The following SLC39A6 variants were observed in gnomAD, a reference collection of about 807,000 sequenced individuals.
The protein encoded by SLC39A6 is solute carrier family 39 member 6.
In SLC39A6, 51 loss-of-function variants were observed where a neutral mutation model predicts 63.5. The ratio of observed to expected loss-of-function variants is 0.80; its 90% CI spans 0.64 to 1.01. SLC39A6 has a LOEUF of 1.01. Ranked by LOEUF, SLC39A6 falls within the 50% of genes least tolerant of loss-of-function variation. SLC39A6 has a pLI of 0.00. For synonymous variants in SLC39A6, 318 were observed against 324.7 expected, an observed-to-expected ratio of 0.98 and a Z score of 0.22; for missense variants, 805 against 927.8, an observed-to-expected ratio of 0.87 and a Z score of 1.72.
At position 36,116,791 on chromosome 18, in the gene SLC39A6, AG is replaced by A; in HGVS notation, c.1360-13del. 6.4e-7 allele frequency: 1 copy of A among 1,567,628 alleles called. No individual in the cohort carries two copies. Among genetic ancestry groups the A allele is most frequent in the South Asian group, 1.1e-5 (1 of 88,926 alleles). On this transcript the variant is annotated splice_polypyrimidine_tract_variant and intron_variant, in intron 5 of 9. Transcript: ENST00000269187. Reference sequence around the variant, plus strand: ...GGTTTCTTCTGATTCTAAAATAGTGAGGGAAAACAATACTTTAAAACAGTAA... The same window carrying A: ...GGTTTCTTCTGATTCTAAAATAGTGAGGAAAACAATACTTTAAAACAGTAA...
At position 36,108,819 on chromosome 18, in the gene SLC39A6, G is replaced by A. The variant is rs1434431419; in HGVS notation, c.*774C>T. 1 of 152,168 alleles carries A rather than the reference G, an allele frequency of 6.6e-6. No homozygotes were observed. Among genetic ancestry groups the A allele is most frequent in the Non-Finnish European group, 1.5e-5 (1 of 68,028 alleles). 9.4% of individuals were successfully genotyped at this position (152,168 alleles called of 1,614,324 possible). On this transcript the variant is annotated 3_prime_UTR_variant, in exon 10 of 10. Transcript: ENST00000269187. ...TGATATATAACTTGGCAATAACCCA[G>A]TCTGGTGATACATAAAACTACTCAC...
chr18:36,121,490 T>C (rs982411026), intron 5 of SLC39A6, among the ~76,000 whole-genome samples: 8 of 152,214 alleles, frequency 5.3e-5, no homozygotes, highest in African/African-American at 1.7e-4. Flanking sequence ...GACAGTCTTC[T>C]GAATGACTTG....
At position 36,112,433 on chromosome 18, in the gene SLC39A6, T is replaced by A. The variant is rs2089307996; in HGVS notation, c.1924+68A>T. ...GATGAAGAAGCTTGCTGAACTACCA[T>A]TAGCAAAAGCCAGTGACACTAGAAC... On this transcript the variant is annotated intron_variant, in intron 8 of 9. Transcript: ENST00000269187. The A allele has an allele frequency of 3.4e-6, 4 of 1,162,250 alleles. No individual in the cohort carries two copies. The South Asian group carries it at 5.1e-5, about 15-fold the overall frequency. The allele number at this position is 1,162,250 out of a possible 1,614,324, so 72.0% of individuals were successfully genotyped here.
intron 9 of SLC39A6, among the ~76,000 whole-genome samples, chr18:36,109,980 T>C (rs1372373045): frequency 6.6e-6 from 1 of 152,200 alleles, no homozygotes; most frequent in Non-Finnish European, 1.5e-5. Context: ...AAAAAGTTTG[T>C]ATTGGTTCCA....
intron 1 of SLC39A6, among the ~76,000 whole-genome samples, chr18:36,127,737 A>G (rs898091150): frequency 6.6e-6 from 1 of 150,562 alleles, no homozygotes; most frequent in African/African-American, 2.4e-5. Context: ...GATATTTTCT[A>G]TGCATACTCA....
In SLC39A6 at chr18:36,114,354, T is replaced by A. The variant is rs1364336195; in HGVS notation, c.1586A>T (p.Asn529Ile). The A allele has an allele frequency of 1.9e-6, 3 of 1,614,226 alleles. No individual in the cohort carries two copies. The highest frequency in any genetic ancestry group is 1.7e-5 in the Admixed American group (1 of 60,034). ...CTTGCACCCTCTGGGTACATATTCA[T>A]TGTAGACTTCCTGTGGATGAGCATG... Reference protein sequence around the residue: ...IAHAHPQEVYNEYVPRGCKNK... With the variant: ...IAHAHPQEVYIEYVPRGCKNK... Residue 529 changes from asparagine (N) to isoleucine (I), a missense_variant, in exon 7 of 10, where the codon AAT (asparagine) becomes ATT (isoleucine). By Grantham distance (149) the Asn-to-Ile change is moderately radical (BLOSUM62 -3). This residue lies in a region of SLC39A6 where 639 missense variants were observed against 644.0 expected (regional missense o/e 0.99). Coordinates refer to ENST00000269187, the MANE Select transcript of SLC39A6 (RefSeq NM_012319.4).
intron 9 of SLC39A6, among the ~76,000 whole-genome samples, chr18:36,110,598 G>C (rs1179163440): frequency 2.0e-5 from 3 of 151,906 alleles, no homozygotes; most frequent in African/African-American, 4.8e-5. Context: ...GAGTGCAGTA[G>C]TACAATCTCA....
intron 5 of SLC39A6, among the ~76,000 whole-genome samples, chr18:36,121,078 C>T (rs2089389553): frequency 6.6e-6 from 1 of 151,642 alleles, no homozygotes; most frequent in Non-Finnish European, 1.5e-5. Context: ...TGGTCAATAT[C>T]AAGTGACCAG....
chr18:36,127,081 A>C lies in SLC39A6; in HGVS notation c.-9-65T>G, dbSNP rs1649639367. ...AAAACAAATTGAATTAAGAAACCTCATACTGAAAATTAATGTGTAATCAAA... is the reference window on the plus strand; with the variant it reads ...AAAACAAATTGAATTAAGAAACCTCCTACTGAAAATTAATGTGTAATCAAA... On this transcript the variant is annotated intron_variant, in intron 1 of 9. Transcript: ENST00000269187. 2.2e-6 allele frequency: 3 copies of C among 1,360,304 alleles called. No homozygotes were observed. In the African/African-American group the frequency reaches 4.4e-5, roughly 20 times the overall value. 84.3% of individuals were successfully genotyped at this position (1,360,304 alleles called of 1,614,324 possible).
chr18:36,126,838 A>T lies in SLC39A6; in HGVS notation c.170T>A (p.Leu57Gln). 1 of 1,614,228 alleles carries T rather than the reference A, an allele frequency of 6.2e-7. No homozygotes were observed. The highest frequency in any genetic ancestry group is 8.5e-7 in the Non-Finnish European group (1 of 1,180,038). The change falls in exon 2 of 10, where the codon CTA (leucine) becomes CAA (glutamine). Residue 57 changes from leucine (L) to glutamine (Q), a missense_variant. Physicochemically the swap from Leu to Gln is moderately radical, Grantham distance 113. Coordinates refer to ENST00000269187, the MANE Select transcript of SLC39A6 (RefSeq NM_012319.4). The stretch of plus-strand genomic sequence containing the variant: ...TCCATAGCGGTAGAAAAGCTGTTGT[A>T]GATGATATTGCCGTGTGGAAATTGC... ...DLAISTRQYH[L>Q]QQLFYRYGEN...
Position 36,116,756 on chromosome 18 carries a change from A to G in SLC39A6, c.1383T>C (p.Asp461=). The G allele has an allele frequency of 6.2e-7, 1 of 1,612,330 alleles. No homozygotes were observed. Among genetic ancestry groups the G allele is most frequent in the Non-Finnish European group, 8.5e-7 (1 of 1,179,008 alleles). Residue 461 remains aspartate, a synonymous_variant, in exon 6 of 10, where the codon GAT becomes GAC. Transcript: ENST00000269187. ...ACTGCTTCTTAATCTCCACATCATC[A>G]TCATTTTCAGGTTTCTTCTGATTCT... The part of the protein sequence containing the change: ...KKKNQKKPEN[D]DDVEIKKQLS...
chr18:36,124,237 AGCAGTGTGACATG>A (rs1174105909), intron 3 of SLC39A6, among the ~76,000 whole-genome samples: 1 of 152,174 alleles, frequency 6.6e-6, no homozygotes, highest in African/African-American at 2.4e-5. Context: ...CCTCTTCCCA[AGCAGTGTGACATG>A]ATATAAAAAT....
In SLC39A6 at chr18:36,116,729, C is replaced by T. The variant is rs188740445; in HGVS notation, c.1410G>A (p.Leu470=). Residue 470 remains leucine, a synonymous_variant, in exon 6 of 10, where the codon TTG becomes TTA. Transcript: ENST00000269187. ...NDDDVEIKKQ[L]SKYESQLSTN... is the part of the protein sequence containing the mutation. Reference sequence around the variant, plus strand: ...TTGAAAGTTGAGATTCATACTTGGACAACTGCTTCTTAATCTCCACATCAT... The same window carrying T: ...TTGAAAGTTGAGATTCATACTTGGATAACTGCTTCTTAATCTCCACATCAT... The T allele has an allele frequency of 2.6e-5, 42 of 1,613,384 alleles. No homozygotes were observed. In the East Asian group the frequency reaches 9.1e-4, roughly 35 times the overall value.
At chr18:36,121,016 A>G (rs1297849276) in intron 5 of SLC39A6, among the ~76,000 whole-genome samples, 5 of 152,206 alleles carry the variant, frequency 3.3e-5, no homozygotes, top group Non-Finnish European at 5.9e-5. Context: ...CATGGCTGAT[A>G]AAGAAAAAAA....
intron 5 of SLC39A6, 79 bp from the exon 6 acceptor site, chr18:36,116,858 C>A: frequency 1.1e-6 from 1 of 917,312 alleles, no homozygotes; most frequent in South Asian, 1.5e-5. Flanking sequence ...ACCAGGTAAG[C>A]AAAACACACA....
chr18:36,114,616 G>A, intron 6 of SLC39A6, 142 bp from the exon 7 acceptor site: 1 of 574,780 alleles, frequency 1.7e-6, no homozygotes, highest in East Asian at 2.9e-5. Flanking sequence ...AAATATTAAA[G>A]TATTACTGAT....
chr18:36,113,229 G>A (rs185047965), intron 7 of SLC39A6, among the ~76,000 whole-genome samples: 2 of 151,902 alleles, frequency 1.3e-5, no homozygotes, highest in East Asian at 3.9e-4. Flanking sequence ...CAGGCAGCTG[G>A]GACTACAGGT....
intron 3 of SLC39A6, among the ~76,000 whole-genome samples, 185 bp downstream of exon 3, chr18:36,124,335 G>A (rs1268922188): frequency 1.3e-5 from 2 of 151,938 alleles, no homozygotes; most frequent in African/African-American, 2.4e-5. Flanking sequence ...TTTATTTTCT[G>A]GGATTTTTTT....
intron 5 of SLC39A6, among the ~76,000 whole-genome samples, chr18:36,119,320 A>G (rs1471019547): frequency 6.6e-6 from 1 of 152,230 alleles, no homozygotes; most frequent in African/African-American, 2.4e-5. Flanking sequence ...GGAAGTCTTC[A>G]TCTAGAAATT....
Sources: allele counts gnomAD v4.1 joint callset (sites outside exome capture counted in the v4.1 genomes callset), GRCh38; gene constraint gnomAD v4.1.1; regional missense constraint gnomAD v4.1.1; transcripts MANE v1.5; gene names NCBI Gene and HGNC (gene_info 2026-07-23, HGNC 2026-07-21).